Variants in LMBR1L observed in about 807,000 individuals in gnomAD.
LMBR1L encodes the protein limb development membrane protein 1 like, also known as protein LMBR1L.
Under a neutral mutation model 67.3 loss-of-function variants are expected in LMBR1L, and 47 were observed. That is an observed-to-expected ratio of 0.70 (90% CI 0.55 to 0.89). The LOEUF is 0.89. LMBR1L is among the 40% of genes least tolerant of loss of function. LMBR1L has a pLI of 0.00. For synonymous variants in LMBR1L, 247 were observed against 250.3 expected (o/e 0.99, Z 0.13); for missense variants, 533 against 599.2 (o/e 0.89, Z 1.15).
chr12:49,098,511 C>T (rs560245839), intron 15 of LMBR1L, among the ~76,000 whole-genome samples: 5 of 152,288 alleles, frequency 3.3e-5, no homozygotes, highest in African/African-American at 9.6e-5. Flanking sequence ...TAACTAGCTG[C>T]GTGATCTGGG....
chr12:49,102,780 C>T (rs1940371929), intron 8 of LMBR1L, 107 bp downstream of exon 8: 5 of 1,075,262 alleles, frequency 4.7e-6, no homozygotes, highest in Non-Finnish European at 7.1e-6. Flanking sequence ...AAGGCTGTAG[C>T]TCTCTGCAAG....
chr12:49,101,390 C>T, intron 12 of LMBR1L, 67 bp from the exon 13 acceptor site: 1 of 1,604,172 alleles, frequency 6.2e-7, no homozygotes, highest in Admixed American at 1.7e-5. Context: ...CCCAGCCTTC[C>T]CACTGTCCTC....
chr12:49,103,153 C>G lies in LMBR1L; in HGVS notation c.569G>C (p.Trp190Ser). 1 of 1,613,622 alleles carries G rather than the reference C, an allele frequency of 6.2e-7. No individual in the cohort carries two copies. The highest frequency in any genetic ancestry group is 8.5e-7 in the Non-Finnish European group (1 of 1,179,630). The change falls in exon 7 of 17, where the codon TGG becomes TCG. Residue 190 changes from tryptophan to serine, a missense_variant. Physicochemically the swap from Trp to Ser is radical, Grantham distance 177 (BLOSUM62 -3). Coordinates refer to ENST00000267102, the MANE Select transcript of LMBR1L (RefSeq NM_018113.4). ...GTAGAGGTAGGGGAGATAGTACTCC[C>G]AAAAGTCTAAGGATAAAAAAAAGAG... ...KANRESLYDF[W>S]EYYLPYLYSC...
chr12:49,097,742 GGAGAA>G lies in LMBR1L; in HGVS notation c.1403-8_1403-4del, dbSNP rs751706882. On this transcript the variant is annotated splice_region_variant and splice_polypyrimidine_tract_variant and intron_variant, in intron 16 of 16. Transcript: ENST00000267102. ...GGGCAGCGGCAGTCTGTCCAGCCCT[GGAGAA>G]GAGGAGATGGGCAGTCAAAAGCAAG... is the stretch of plus-strand genomic sequence containing the variant. 8 of 1,613,862 alleles carry G rather than the reference GGAGAA, an allele frequency of 5.0e-6. No homozygotes were observed. Among genetic ancestry groups the G allele is most frequent in the African/African-American group, 4.0e-5 (3 of 74,906 alleles).
chr12:49,103,906 T>C, intron 5 of LMBR1L, 93 bp from the exon 6 acceptor site: 1 of 1,378,120 alleles, frequency 7.3e-7, no homozygotes, highest in Middle Eastern at 1.9e-4. Context: ...CAGAAAGGTT[T>C]GGATTCAGGA....
rs191356014 is a variant in LMBR1L, at chr12:49,107,138, C to A, written c.73-93G>T. On this transcript the variant is annotated intron_variant, in intron 1 of 16. Transcript: ENST00000267102. ...CTCTGTTAATTCCAGGCCATCACTTCCTCAAGATAAGGCTCCATACTTCCA... is the reference window on the plus strand; with the variant it reads ...CTCTGTTAATTCCAGGCCATCACTTACTCAAGATAAGGCTCCATACTTCCA... 83 of 814,800 alleles carry A rather than the reference C, an allele frequency of 1.0e-4. 1 individual carries two copies. The East Asian group carries it at 1.9e-3, about 19-fold the overall frequency. The allele number at this position is 814,800 out of a possible 1,614,324, so 50.5% of individuals were successfully genotyped here. A position where few individuals can be genotyped will look rare whatever the true frequency, so the allele number is the denominator to read the frequency against.
At position 49,097,787 on chromosome 12, in the gene LMBR1L, C is replaced by T. The variant is rs369859624; in HGVS notation, c.1403-48G>A. 2.1e-5 allele frequency: 34 copies of T among 1,611,162 alleles called. No homozygotes were observed. In the South Asian group the frequency reaches 2.3e-4, roughly 11 times the overall value. ...TCAAAAGCAAGTCAAAGGTCCAGTC[C>T]GTTAGGGACCAGGCAGCCAAGCCAC... is the stretch of plus-strand genomic sequence containing the variant. On this transcript the variant is annotated intron_variant, in intron 16 of 16. Coordinates refer to ENST00000267102, the MANE Select transcript of LMBR1L (RefSeq NM_018113.4).
chr12:49,106,612 A>G, intron 2 of LMBR1L: 1 of 1,333,380 alleles, frequency 7.5e-7, no homozygotes. Flanking sequence ...GAGATGACAC[A>G]GAGCCTGTGC....
chr12:49,101,382 C>T (rs1257351182), intron 12 of LMBR1L, 59 bp from the exon 13 acceptor site: 3 of 1,604,894 alleles, frequency 1.9e-6, no homozygotes, highest in Non-Finnish European at 2.6e-6. Flanking sequence ...ACCCGGCACC[C>T]AGCCTTCCCA....
chr12:49,101,432 G>A lies in LMBR1L; in HGVS notation c.1008+40C>T, dbSNP rs1395076341. 4 of 1,609,936 alleles carry A rather than the reference G, an allele frequency of 2.5e-6. No homozygotes were observed. The African/African-American group carries it at 5.3e-5, about 22-fold the overall frequency. On this transcript the variant is annotated intron_variant, in intron 12 of 16. Transcript: ENST00000267102. ...TGCCTCCTCTCCCCAGCTGTTCTTA[G>A]GCCCTCCCCAAAGGATATGGTGGGA...
chr12:49,108,635 G>C (rs1189452242), intron 1 of LMBR1L, among the ~76,000 whole-genome samples: 1 of 151,410 alleles, frequency 6.6e-6, no homozygotes, highest in Non-Finnish European at 1.5e-5. Flanking sequence ...TCGGGAGGCT[G>C]AGGTACAAGA....
chr12:49,106,625 G>A (rs1306279533), intron 2 of LMBR1L: 22 of 1,341,786 alleles, frequency 1.6e-5, no homozygotes, highest in Admixed American at 9.0e-5. Flanking sequence ...GCCTGTGCCC[G>A]TAATGACATT....
intron 3 of LMBR1L, among the ~76,000 whole-genome samples, chr12:49,105,712 C>G (rs190615884): frequency 1.5e-3 from 227 of 152,292 alleles, no homozygotes; most frequent in Non-Finnish European, 2.7e-3. Context: ...CCATGAGGCT[C>G]CCACAAGCTC....
chr12:49,097,762 T>A (rs1235935736), intron 16 of LMBR1L, 23 bp from the exon 17 acceptor site: 2 of 1,613,674 alleles, frequency 1.2e-6, no homozygotes, highest in Non-Finnish European at 1.7e-6. Context: ...AGATGGGCAG[T>A]CAAAAGCAAG....
At position 49,107,052 on chromosome 12, in the gene LMBR1L, C is replaced by A. The variant is rs1224941238; in HGVS notation, c.73-7G>T. ...CAAACAGAAGTGTTGATATCTGTAG[C>A]AGAATATGAGCTGGGATGAGAAGCT... On this transcript the variant is annotated splice_region_variant and splice_polypyrimidine_tract_variant and intron_variant, in intron 1 of 16. Transcript: ENST00000267102. 1 of 1,600,924 alleles carries A rather than the reference C, an allele frequency of 6.2e-7. No homozygotes were observed. Among genetic ancestry groups the A allele is most frequent in the South Asian group, 1.1e-5 (1 of 90,852 alleles).
At chr12:49,106,198 TTAC>T in intron 2 of LMBR1L, 2 of 551,734 alleles carry the variant, frequency 3.6e-6, no homozygotes, top group Middle Eastern at 4.8e-4. Flanking sequence ...CTATACTTCT[TTAC>T]TCCTCCCTAG....
At position 49,098,022 on chromosome 12, in the gene LMBR1L, C is replaced by G; in HGVS notation, c.1324G>C (p.Ala442Pro). 1 of 1,614,188 alleles carries G rather than the reference C, an allele frequency of 6.2e-7. No individual in the cohort carries two copies. Among genetic ancestry groups the G allele is most frequent in the Non-Finnish European group, 8.5e-7 (1 of 1,180,030 alleles). Residue 442 changes from alanine (A) to proline (P), a missense_variant, in exon 16 of 17, where the codon GCC becomes CCC. By Grantham distance (27) the Ala-to-Pro change is conservative. Coordinates refer to ENST00000267102, the MANE Select transcript of LMBR1L (RefSeq NM_018113.4). ...CAGAGTGTGGTGAGGCCTGCAAAGG[C>G]TGCGTTGTAGAGGAACACAATGTAG... ...NFYIVFLYNAAFAGLTTLCLV... is the reference protein window; with the variant it reads ...NFYIVFLYNAPFAGLTTLCLV...
chr12:49,103,011 C>T lies in LMBR1L; in HGVS notation c.632-60G>A, dbSNP rs1940408687. 6 of 1,603,404 alleles carry T rather than the reference C, an allele frequency of 3.7e-6. No homozygotes were observed. In the Admixed American group the frequency reaches 1.0e-4, roughly 27 times the overall value. On this transcript the variant is annotated intron_variant, in intron 7 of 16. Coordinates refer to ENST00000267102, the MANE Select transcript of LMBR1L (RefSeq NM_018113.4). ...TGCTCTCCACCCCTTCCCTAACATG[C>T]CCCCCATTCCCTTTCCTTCTAGCCT...
chr12:49,107,162 C>T, intron 1 of LMBR1L, 117 bp from the exon 2 acceptor site: 3 of 695,168 alleles, frequency 4.3e-6, no homozygotes, highest in Non-Finnish European at 7.6e-6. Flanking sequence ...TCCATACTTC[C>T]AAGGGTTCCA....
Sources: gnomAD v4.1 joint callset for allele counts (sites outside exome capture counted in the v4.1 genomes callset) on GRCh38, gnomAD v4.1.1 for gene constraint, MANE v1.5 for transcripts, NCBI Gene and HGNC (gene_info 2026-07-23, HGNC 2026-07-21) for gene names.